Variants in CD8B observed in about 807,000 individuals in gnomAD.
CD8B encodes the protein CD8 subunit beta.
In CD8B, 6 loss-of-function variants were observed where a neutral mutation model predicts 24.2. That is an observed-to-expected ratio of 0.25 (90% CI 0.14 to 0.49). The LOEUF is 0.49. CD8B is among the 20% of genes least tolerant of loss of function. The pLI is 0.98. For synonymous variants in CD8B, 84 were observed against 108.3 expected, an observed-to-expected ratio of 0.78 and a Z score of 1.39; for missense variants, 196 against 271.3, an observed-to-expected ratio of 0.72 and a Z score of 1.95.
intron 3 of CD8B, among the ~76,000 whole-genome samples, chr2:86,848,715 T>TATTTAATTTACTTATTTATTTATTC (rs1175695385): frequency 1.0e-5 from 1 of 98,254 alleles, no homozygotes; most frequent in African/African-American, 4.9e-5. Context: ...TTTATTTATT[T>TATTTAATTTACTTATTTATTTATTC]ATTTATTTAT....
chr2:86,861,237 T>C (rs1365260286), intron 1 of CD8B, among the ~76,000 whole-genome samples: 7 of 151,862 alleles, frequency 4.6e-5, no homozygotes, highest in Admixed American at 1.3e-4. Context: ...AGATGCCCCA[T>C]CCAACTCCAA....
intron 5 of CD8B, among the ~76,000 whole-genome samples, chr2:86,831,920 G>A (rs1005057130): frequency 1.4e-4 from 21 of 152,222 alleles, no homozygotes; most frequent in African/African-American, 4.6e-4. Context: ...TGATCAGGAA[G>A]TCAGTAACTT....
intron 1 of CD8B, among the ~76,000 whole-genome samples, chr2:86,861,079 G>A (rs1369134542): frequency 6.6e-6 from 1 of 152,180 alleles, no homozygotes; most frequent in African/African-American, 2.4e-5. Flanking sequence ...AGAACCCCCG[G>A]CGGGCAGGCC....
intron 2 of CD8B, among the ~76,000 whole-genome samples, chr2:86,855,993 C>T (rs947671790): frequency 1.3e-5 from 2 of 152,236 alleles, no homozygotes; most frequent in Non-Finnish European, 2.9e-5. Context: ...AAACTTCGAG[C>T]CCATGATATA....
In CD8B at chr2:86,844,764, T is replaced by G. The variant is rs191596977; in HGVS notation, c.620+158A>C. 7.6e-4 allele frequency: 1,172 copies of G among 1,537,014 alleles called. 14 individuals are homozygous for G. In the African/African-American group the frequency reaches 0.014, roughly 19 times the overall value. ...CTCAAGTGATCCTCCTGCTTCAGCCTCCCGAGTAGCTGTGACTACAGGTGT... is the reference window on the plus strand; with the variant it reads ...CTCAAGTGATCCTCCTGCTTCAGCCGCCCGAGTAGCTGTGACTACAGGTGT... On this transcript the variant is annotated intron_variant, in intron 5 of 5. Transcript: ENST00000390655.
intron 5 of CD8B, among the ~76,000 whole-genome samples, chr2:86,817,728 A>G (rs964874360): frequency 2.0e-5 from 3 of 152,228 alleles, no homozygotes; most frequent in Admixed American, 2.0e-4. Context: ...CAACACAAAC[A>G]TTTTATTGCT....
Position 86,858,045 on chromosome 2 carries a change from C to A in CD8B, c.403+12G>T, listed in dbSNP as rs759684199. The A allele has an allele frequency of 1.9e-6, 3 of 1,612,636 alleles. No individual in the cohort carries two copies. The highest frequency in any genetic ancestry group is 1.7e-6 in the Non-Finnish European group (2 of 1,178,938). On this transcript the variant is annotated intron_variant, in intron 2 of 5. Transcript: ENST00000390655. ...ATCGGTGCTCACTGATAGCATTGAG[C>A]CTGCTTCTTACCCACACTCAGCTGA... is the stretch of plus-strand genomic sequence containing the variant.
intron 2 of CD8B, among the ~76,000 whole-genome samples, chr2:86,853,546 A>C (rs1038618882): frequency 6.6e-6 from 1 of 152,090 alleles, no homozygotes. Flanking sequence ...GTCACAGAGC[A>C]ATAGAATGTT....
At chr2:86,817,419 A>G (rs987296764) in intron 5 of CD8B, among the ~76,000 whole-genome samples, 6 of 152,208 alleles carry the variant, frequency 3.9e-5, no homozygotes, top group Non-Finnish European at 7.3e-5. Context: ...AATGAATAAA[A>G]TTGTAATACA....
intron 5 of CD8B, among the ~76,000 whole-genome samples, chr2:86,830,066 T>C (rs1476143578): frequency 6.6e-6 from 1 of 152,184 alleles, no homozygotes; most frequent in Non-Finnish European, 1.5e-5. Flanking sequence ...GTTTTTAGCA[T>C]GTTTTTCTTT....
chr2:86,846,859 A>C lies in CD8B; in HGVS notation c.494-86T>G, dbSNP rs1452157047. ...GAAAAATACAAGGAGCGAAAAATTC[A>C]ACTGGAAGCCCCACCTCCCAGAGAA... On this transcript the variant is annotated intron_variant, in intron 3 of 5. Transcript: ENST00000390655. 6.3e-6 allele frequency: 5 copies of C among 792,618 alleles called. No homozygotes were observed. The East Asian group carries it at 1.4e-4, about 22-fold the overall frequency. The allele number at this position is 792,618 out of a possible 1,614,324, so 49.1% of individuals were successfully genotyped here.
In CD8B at chr2:86,840,036, G is replaced by A. The variant is rs1185092612; in HGVS notation, c.*2271C>T. Among the ~76,000 whole-genome samples, 2 of 152,222 alleles carry A rather than the reference G, an allele frequency of 1.3e-5. No individual in the cohort carries two copies. The highest frequency in any genetic ancestry group is 4.8e-5 in the African/African-American group (2 of 41,452). On this transcript the variant is annotated 3_prime_UTR_variant, in exon 6 of 6. Transcript: ENST00000390655. ...TTTCTTTTGAACACCTCTTGCTGAG[G>A]CAGGAGTCTAGGGTCTGGGGGCAGG...
intron 5 of CD8B, among the ~76,000 whole-genome samples, chr2:86,831,162 T>C (rs930516463): frequency 2.6e-5 from 4 of 152,164 alleles, no homozygotes. Flanking sequence ...CTCCACCTCT[T>C]GGGTTCAAGA....
At chr2:86,815,816 G>A (rs1674220101) in intron 5 of CD8B, 3 of 739,052 alleles carry the variant, frequency 4.1e-6, no homozygotes, top group East Asian at 2.5e-5. Context: ...TGACTCAGTC[G>A]AGTCAGATGT....
chr2:86,842,081 GC>G lies in CD8B; in HGVS notation c.*225del. ...AGTCCTCCAGCACACTCTGTGAAGTGCCCTGGGGGCAATGAAACCTTCTCCC... is the reference window on the plus strand; with the variant it reads ...AGTCCTCCAGCACACTCTGTGAAGTGCCTGGGGGCAATGAAACCTTCTCCC... On this transcript the variant is annotated 3_prime_UTR_variant, in exon 6 of 6. Coordinates refer to ENST00000390655, the MANE Select transcript of CD8B (RefSeq NM_004931.5). The G allele has an allele frequency of 7.4e-7, 1 of 1,345,072 alleles. No homozygotes were observed. Among genetic ancestry groups the G allele is most frequent in the East Asian group, 3.0e-5 (1 of 32,862 alleles). 83.3% of individuals were successfully genotyped at this position (1,345,072 alleles called of 1,614,324 possible). A position where few individuals can be genotyped will look rare whatever the true frequency, so the allele number is the denominator to read the frequency against.
rs1285464744 is a variant in CD8B at position 86,846,925 on chromosome 2, G to GTCTTTTTTT, written c.494-153_494-152insAAAAAAAGA. 5.7e-5 allele frequency: 10 copies of GTCTTTTTTT among 176,722 alleles called. 2 individuals carry two copies. The highest frequency in any genetic ancestry group is 2.9e-4 in the African/African-American group (8 of 27,522). The allele number at this position is 176,722 out of a possible 1,614,324, so 10.9% of individuals were successfully genotyped here. A position where few individuals can be genotyped will look rare whatever the true frequency, so the allele number is the denominator to read the frequency against. ...TTCGATGTAATGTATTTTTCCTCAA[G>GTCTTTTTTT]TATTTTTTTTTTTTTTTTTTTTTTT... On this transcript the variant is annotated intron_variant, in intron 3 of 5. Transcript: ENST00000390655.
intron 3 of CD8B, among the ~76,000 whole-genome samples, chr2:86,852,156 G>T (rs1676008018): frequency 6.6e-6 from 1 of 152,152 alleles, no homozygotes; most frequent in Non-Finnish European, 1.5e-5. Flanking sequence ...CGTAGAGACA[G>T]AGTTTCACCG....
chr2:86,856,031 T>C (rs71211820), intron 2 of CD8B, among the ~76,000 whole-genome samples: 2,793 of 152,334 alleles, frequency 0.018, 93 homozygotes, highest in African/African-American at 0.063. Context: ...GGCCCTGTCT[T>C]TCCCCAAACA....
chr2:86,830,073 C>CT (rs1674847509), intron 5 of CD8B, among the ~76,000 whole-genome samples: 2 of 151,688 alleles, frequency 1.3e-5, no homozygotes, highest in South Asian at 2.1e-4. Context: ...GCATGTTTTT[C>CT]TTTTTTTTGA....
Sources: gnomAD v4.1 joint callset for allele counts (sites outside exome capture counted in the v4.1 genomes callset) on GRCh38, gnomAD v4.1.1 for gene constraint, MANE v1.5 for transcripts, NCBI Gene and HGNC (gene_info 2026-07-23, HGNC 2026-07-21) for gene names.